The following JARID2 variants were observed in gnomAD, a reference collection of about 807,000 sequenced individuals.
JARID2 encodes the protein jumonji and AT-rich interaction domain containing 2.
A neutral mutation model predicts 125.6 loss-of-function variants in JARID2; 21 were observed. That is an observed-to-expected ratio of 0.17 (90% CI 0.12 to 0.24). The LOEUF (loss-of-function observed/expected upper bound fraction) is 0.24, where lower values mean the gene tolerates loss of function less well. JARID2 is among the 10% of genes least tolerant of loss of function. JARID2 has a pLI of 1.00. For missense variants in JARID2, 1,303 were observed against 1,639.6 expected (o/e 0.79, Z 3.55); for synonymous variants, 736 against 661.6 (o/e 1.11, Z -1.73).
intron 1 of JARID2, among the ~76,000 whole-genome samples, chr6:15,266,309 C>T (rs1260782446): frequency 6.6e-6 from 1 of 152,178 alleles, no homozygotes; most frequent in Non-Finnish European, 1.5e-5. Context: ...TTACAATGAT[C>T]TTCCAACAGA....
At chr6:15,290,237 A>T (rs778774982) in intron 1 of JARID2, among the ~76,000 whole-genome samples, 2 of 152,136 alleles carry the variant, frequency 1.3e-5, no homozygotes, top group Non-Finnish European at 2.9e-5. Flanking sequence ...AGTTCATTTC[A>T]TTTCATTGCC....
At chr6:15,444,428 T>C (rs946620593) in intron 3 of JARID2, among the ~76,000 whole-genome samples, 17 of 152,154 alleles carry the variant, frequency 1.1e-4, no homozygotes, top group African/African-American at 4.1e-4. Flanking sequence ...GCAACCGCAC[T>C]TGCATTTGAA....
chr6:15,339,646 C>T (rs965971500), intron 1 of JARID2, among the ~76,000 whole-genome samples: 1 of 152,028 alleles, frequency 6.6e-6, no homozygotes, highest in Non-Finnish European at 1.5e-5. Flanking sequence ...AGCGATTCTC[C>T]TGCCTCAGCC....
intron 1 of JARID2, chr6:15,248,838 G>A (rs897110527): frequency 4.5e-6 from 4 of 892,288 alleles, no homozygotes; most frequent in African/African-American, 3.6e-5. Context: ...GCGGGGCGGC[G>A]GGGGGAGGAG....
chr6:15,363,634 C>A (rs1050657893), intron 1 of JARID2, among the ~76,000 whole-genome samples: 5 of 152,164 alleles, frequency 3.3e-5, no homozygotes, highest in African/African-American at 1.2e-4. Context: ...ATCTGTACTA[C>A]TTCACACCTC....
intron 1 of JARID2, among the ~76,000 whole-genome samples, chr6:15,345,472 G>A (rs1763214423): frequency 6.6e-6 from 1 of 152,168 alleles, no homozygotes. Flanking sequence ...TCTAGTTACT[G>A]TATTCCCATC....
chr6:15,494,413 CTTTTTTTTTTT>C (rs60218567), intron 6 of JARID2, among the ~76,000 whole-genome samples: 1 of 80,596 alleles, frequency 1.2e-5, no homozygotes, highest in Admixed American at 1.9e-4. Context: ...TTTGGCAAGT[CTTTTTTTTTTT>C]TTTTTTTTTG....
At chr6:15,314,400 C>G (rs1435263090) in intron 1 of JARID2, among the ~76,000 whole-genome samples, 1 of 152,184 alleles carries the variant, frequency 6.6e-6, no homozygotes, top group East Asian at 1.9e-4. Context: ...AAATTTACCC[C>G]AAGCACCTGG....
At chr6:15,270,466 TC>T (rs756354562) in intron 1 of JARID2, among the ~76,000 whole-genome samples, 38 of 152,152 alleles carry the variant, frequency 2.5e-4, no homozygotes, top group Non-Finnish European at 5.3e-4. Flanking sequence ...ATGTATTTGA[TC>T]CTATTGGTTA....
In JARID2 at chr6:15,403,847, G is replaced by A. The variant is rs371390016; in HGVS notation, c.182-6377G>A. Among the ~76,000 whole-genome samples the A allele has an allele frequency of 5.6e-4, 85 of 152,160 alleles. 1 individual carries two copies. The highest frequency in any genetic ancestry group is 7.8e-4 in the Non-Finnish European group (53 of 67,994). On this transcript the variant is annotated intron_variant, in intron 2 of 17. Coordinates refer to ENST00000341776, the MANE Select transcript of JARID2 (RefSeq NM_004973.4). ...AATATAACAAAAATATGTCCCCCGC[G>A]TCCACCTATTCATCCTCCCCATTCC...
At chr6:15,518,955 C>T (rs969466608) in intron 17 of JARID2, among the ~76,000 whole-genome samples, 2 of 152,162 alleles carry the variant, frequency 1.3e-5, no homozygotes, top group African/African-American at 4.8e-5. Flanking sequence ...ATTGCAAATC[C>T]CTGAATTCAT....
At chr6:15,325,645 A>G (rs1223774967) in intron 1 of JARID2, among the ~76,000 whole-genome samples, 1 of 152,144 alleles carries the variant, frequency 6.6e-6, no homozygotes, top group Admixed American at 6.5e-5. Context: ...AGTCAAGGAA[A>G]TTCTTATTTA....
chr6:15,246,143 TTTC>T lies in JARID2; in HGVS notation c.-394_-392del, dbSNP rs1378054080. On this transcript the variant is annotated 5_prime_UTR_variant, in exon 1 of 18. Coordinates refer to ENST00000341776, the MANE Select transcript of JARID2 (RefSeq NM_004973.4). ...CAACATTTTTTATTTATCTTTCCCT[TTTC>T]TTTTCCAAGATGTAACTACGGATCA... Among the ~76,000 whole-genome samples the T allele has an allele frequency of 6.6e-6, 1 of 152,130 alleles. No homozygotes were observed. Among genetic ancestry groups the T allele is most frequent in the Admixed American group, 6.6e-5 (1 of 15,262 alleles).
At chr6:15,324,793 CT>C (rs1055497610) in intron 1 of JARID2, among the ~76,000 whole-genome samples, 5 of 150,544 alleles carry the variant, frequency 3.3e-5, no homozygotes, top group African/African-American at 1.2e-4. Flanking sequence ...CCGCCAACTG[CT>C]TTTTGAGTTA....
intron 5 of JARID2, among the ~76,000 whole-genome samples, chr6:15,486,529 T>C (rs1276009195): frequency 1.3e-5 from 2 of 152,250 alleles, no homozygotes; most frequent in Non-Finnish European, 1.5e-5. Context: ...GTAAGTGTCC[T>C]GTCCAGTAGG....
At chr6:15,314,034 G>A (rs1044925104) in intron 1 of JARID2, among the ~76,000 whole-genome samples, 4 of 152,126 alleles carry the variant, frequency 2.6e-5, no homozygotes, top group African/African-American at 9.7e-5. Context: ...AAGGCCCAAG[G>A]TGTCCTGATG....
chr6:15,506,211 C>T (rs1770998321), intron 9 of JARID2, among the ~76,000 whole-genome samples: 1 of 152,248 alleles, frequency 6.6e-6, no homozygotes, highest in Admixed American at 6.5e-5. Context: ...CACCTGGGAG[C>T]AGTCCCTTGC....
In JARID2 at chr6:15,414,822, T is replaced by C. The variant is rs187513095; in HGVS notation, c.323+4457T>C. 2.0e-5 allele frequency among the ~76,000 whole-genome samples: 3 copies of C among 152,318 alleles called. No individual in the cohort carries two copies. In the East Asian group the frequency reaches 5.8e-4, roughly 29 times the overall value. On this transcript the variant is annotated intron_variant, in intron 3 of 17. Coordinates refer to ENST00000341776, the MANE Select transcript of JARID2 (RefSeq NM_004973.4). Reference sequence around the variant, plus strand: ...ATAACATATATTTTTTTGTTTGTTTTTATTTATTTTTATTGATCATTCTTG... The same window carrying C: ...ATAACATATATTTTTTTGTTTGTTTCTATTTATTTTTATTGATCATTCTTG...
chr6:15,369,314 A>G, intron 1 of JARID2: 1 of 459,490 alleles, frequency 2.2e-6, no homozygotes, highest in South Asian at 1.6e-5. Context: ...TAAATTTTGT[A>G]AAAAAAATTA....
Sources: allele counts gnomAD v4.1 joint callset (sites outside exome capture counted in the v4.1 genomes callset), GRCh38; gene constraint gnomAD v4.1.1; transcripts MANE v1.5; gene names NCBI Gene and HGNC (gene_info 2026-07-23, HGNC 2026-07-21).